The following CEP112 variants were observed in gnomAD, a reference collection of about 807,000 sequenced individuals.
The protein encoded by CEP112 is centrosomal protein 112, also known as centrosomal protein of 112 kDa.
A neutral mutation model predicts 153.0 loss-of-function variants in CEP112; 127 were observed. The observed-to-expected ratio is 0.83, with a 90% confidence interval of 0.72 to 0.96. The LOEUF (loss-of-function observed/expected upper bound fraction) is 0.96. Ranked by LOEUF, CEP112 falls within the 40% of genes least tolerant of loss-of-function variation. CEP112 has a pLI of 0.00. For synonymous variants in CEP112, 358 were observed against 374.4 expected (o/e 0.96, Z 0.51); for missense variants, 1,089 against 1,101.2 (o/e 0.99, Z 0.16).
intron 8 of CEP112, among the ~76,000 whole-genome samples, chr17:66,087,252 T>C (rs1001599200): frequency 5.9e-5 from 9 of 152,182 alleles, no homozygotes; most frequent in Non-Finnish European, 7.3e-5. Flanking sequence ...TGAAAACATA[T>C]GTGGGTGGCA....
At chr17:65,768,835 T>C (rs7222190) in intron 21 of CEP112, among the ~76,000 whole-genome samples, 72,914 of 151,916 alleles carry the variant, frequency 0.48, 19,187 homozygotes, top group East Asian at 0.78. Flanking sequence ...TCATAATCAA[T>C]GGGGAGAAAC....
chr17:65,678,004 C>A (rs1242142303), intron 24 of CEP112, among the ~76,000 whole-genome samples: 1 of 151,796 alleles, frequency 6.6e-6, no homozygotes, highest in Non-Finnish European at 1.5e-5. Flanking sequence ...ATAGCCCTTT[C>A]TCAACAGAAA....
intron 23 of CEP112, among the ~76,000 whole-genome samples, chr17:65,726,364 A>C (rs73338851): frequency 0.014 from 2,074 of 152,138 alleles, 54 homozygotes; most frequent in African/African-American, 0.047. Context: ...ATTAAGGATT[A>C]ATAACAGGAC....
intron 6 of CEP112, among the ~76,000 whole-genome samples, chr17:66,129,454 T>C (rs569237292): frequency 6.6e-6 from 1 of 152,362 alleles, no homozygotes; most frequent in South Asian, 2.1e-4. Flanking sequence ...ATAACTCATC[T>C]TGGTATTCTA....
chr17:66,020,697 A>G (rs767938167), intron 16 of CEP112, among the ~76,000 whole-genome samples: 39 of 152,246 alleles, frequency 2.6e-4, no homozygotes, highest in Non-Finnish European at 4.1e-4. Context: ...ATAAATGTTA[A>G]AACAGCAGAT....
intron 24 of CEP112, among the ~76,000 whole-genome samples, chr17:65,660,729 G>A (rs79842366): frequency 6.8e-6 from 1 of 146,768 alleles, no homozygotes; most frequent in African/African-American, 2.5e-5. Flanking sequence ...ATTTTTTTTT[G>A]TAGAAACAAG....
rs1270807093 is a variant in CEP112 at position 65,743,127 on chromosome 17, T to C, written c.2548A>G (p.Arg850Gly). ...LAAERRLQDVRQKFEDEKKQL... is the reference protein window; with the variant it reads ...LAAERRLQDVGQKFEDEKKQL... ...TTCTTCTCATCTTCAAACTTTTGTC[T>C]AACATCCTGGAGCCGCCTTTCTGCA... Residue 850 changes from arginine to glycine, a missense_variant, in exon 23 of 27, where the codon AGA (arginine) becomes GGA (glycine). By Grantham distance (125) the Arg-to-Gly change is moderately radical. Coordinates refer to ENST00000535342, the MANE Select transcript of CEP112 (RefSeq NM_001199165.4). 1.2e-6 allele frequency: 2 copies of C among 1,612,564 alleles called. No homozygotes were observed. Among genetic ancestry groups the C allele is most frequent in the South Asian group, 1.1e-5 (1 of 90,618 alleles).
intron 18 of CEP112, among the ~76,000 whole-genome samples, chr17:65,932,274 C>G (rs2061152993): frequency 6.6e-6 from 1 of 152,086 alleles, no homozygotes; most frequent in African/African-American, 2.4e-5. Flanking sequence ...CCATCCCCAC[C>G]AAAGGACATC....
At chr17:66,065,332 A>G (rs2067074212) in intron 10 of CEP112, among the ~76,000 whole-genome samples, 1 of 152,134 alleles carries the variant, frequency 6.6e-6, no homozygotes, top group Admixed American at 6.5e-5. Flanking sequence ...GCTATCATAC[A>G]TCGGACACTG....
At chr17:65,825,677 AGTT>A (rs989944615) in intron 21 of CEP112, among the ~76,000 whole-genome samples, 5 of 152,234 alleles carry the variant, frequency 3.3e-5, no homozygotes, top group African/African-American at 9.6e-5. Context: ...GTAAAAAAAT[AGTT>A]ATCATAACTT....
At chr17:65,907,261 A>T (rs1304131373) in intron 19 of CEP112, among the ~76,000 whole-genome samples, 1 of 152,212 alleles carries the variant, frequency 6.6e-6, no homozygotes, top group Non-Finnish European at 1.5e-5. Flanking sequence ...TTATAGACTC[A>T]TCAATGATCA....
rs115833278 is a variant in CEP112 at position 65,895,346 on chromosome 17, G to T, written c.2163+6806C>A. Reference sequence around the variant, plus strand: ...CACACCATAAATACTTGTTGTTGTTGTTGTTGTTGCTGTTGCTACTGCTGC... The same window carrying T: ...CACACCATAAATACTTGTTGTTGTTTTTGTTGTTGCTGTTGCTACTGCTGC... On this transcript the variant is annotated intron_variant, in intron 20 of 26. Transcript: ENST00000535342. Among the ~76,000 whole-genome samples the T allele has an allele frequency of 2.8e-3, 429 of 152,128 alleles. 1 individual carries two copies. Among genetic ancestry groups the T allele is most frequent in the African/African-American group, 9.9e-3 (412 of 41,532 alleles).
At chr17:65,981,061 C>T (rs1179453605) in intron 17 of CEP112, among the ~76,000 whole-genome samples, 1 of 152,166 alleles carries the variant, frequency 6.6e-6, no homozygotes, top group Non-Finnish European at 1.5e-5. Flanking sequence ...GGTGATCCAC[C>T]CGTCTCAGCC....
At chr17:66,079,180 C>T (rs545647998) in intron 8 of CEP112, among the ~76,000 whole-genome samples, 147 of 152,240 alleles carry the variant, frequency 9.7e-4, no homozygotes, top group Admixed American at 1.6e-3. Context: ...TGGCTCATGC[C>T]TATAATCCCA....
chr17:65,975,725 G>A (rs1381613567), intron 17 of CEP112, among the ~76,000 whole-genome samples: 3 of 152,136 alleles, frequency 2.0e-5, no homozygotes, highest in Non-Finnish European at 4.4e-5. Context: ...GATAGAATAG[G>A]AAAAGCAACT....
intron 23 of CEP112, among the ~76,000 whole-genome samples, chr17:65,733,970 T>G (rs2050657067): frequency 6.6e-6 from 1 of 152,182 alleles, no homozygotes; most frequent in African/African-American, 2.4e-5. Flanking sequence ...TGATGTTGGG[T>G]GGGTACTTAT....
At chr17:65,939,932 A>G (rs1205841436) in intron 18 of CEP112, among the ~76,000 whole-genome samples, 1 of 152,186 alleles carries the variant, frequency 6.6e-6, no homozygotes, top group African/African-American at 2.4e-5. Context: ...AAACTAAACA[A>G]TCAACAAAGT....
chr17:65,735,099 G>C (rs558043724), intron 23 of CEP112, among the ~76,000 whole-genome samples: 1 of 152,228 alleles, frequency 6.6e-6, no homozygotes, highest in South Asian at 2.1e-4. Context: ...AGAAAAGTCT[G>C]TAAGTATTGT....
intron 4 of CEP112, among the ~76,000 whole-genome samples, chr17:66,172,671 C>A (rs1291286999): frequency 2.0e-5 from 3 of 152,132 alleles, no homozygotes; most frequent in Non-Finnish European, 4.4e-5. Context: ...AATCTATTCA[C>A]CCGGACTCCC....
Sources: allele counts gnomAD v4.1 joint callset (sites outside exome capture counted in the v4.1 genomes callset), GRCh38; gene constraint gnomAD v4.1.1; transcripts MANE v1.5; gene names NCBI Gene and HGNC (gene_info 2026-07-23, HGNC 2026-07-21).